Variants in LBH observed in about 807,000 individuals in gnomAD.
LBH encodes LBH regulator of Wnt signaling pathway, also known as protein LBH.
Under a neutral mutation model 12.5 loss-of-function variants are expected in LBH, and 7 were observed. That is an observed-to-expected ratio of 0.56 (90% confidence interval 0.32 to 1.05). The LOEUF (loss-of-function observed/expected upper bound fraction) is 1.05. Ranked by LOEUF, LBH falls within the 50% of genes least tolerant of loss-of-function variation. The pLI, the probability that LBH is intolerant of heterozygous loss-of-function variation, is 0.04. For synonymous variants in LBH, 51 were observed against 50.1 expected (o/e 1.02, Z -0.08); for missense variants, 119 against 138.9 (o/e 0.86, Z 0.72).
rs536252639 is a variant in LBH at position 30,249,615 on chromosome 2, G to A, written c.130-7818G>A. On this transcript the variant is annotated intron_variant, in intron 2 of 2. Coordinates refer to ENST00000395323, the MANE Select transcript of LBH (RefSeq NM_030915.4). ...ACGCCCTGGGGAAACAGAGCCACAG[G>A]GAGGGAAGTGATGAATGAAGTTGCA... Among the ~76,000 whole-genome samples, 10 of 152,300 alleles carry A rather than the reference G, an allele frequency of 6.6e-5. No individual in the cohort carries two copies. The Middle Eastern group carries it at 0.02, about 311-fold the overall frequency.
intron 2 of LBH, among the ~76,000 whole-genome samples, chr2:30,251,050 ATTT>A (rs372791263): frequency 2.4e-5 from 3 of 122,528 alleles, no homozygotes; most frequent in Non-Finnish European, 3.4e-5. Context: ...TGTCAGTAGA[ATTT>A]TTTTTTTTTT....
intron 1 of LBH, among the ~76,000 whole-genome samples, chr2:30,233,525 T>C (rs1358389909): frequency 3.3e-5 from 5 of 152,256 alleles, no homozygotes; most frequent in South Asian, 4.1e-4. Flanking sequence ...GTGGAAAGCA[T>C]TGGGTGCTGT....
At position 30,231,763 on chromosome 2, in the gene LBH, T is replaced by G. The variant is rs1384306257; in HGVS notation, c.25T>G (p.Cys9Gly). 1 of 1,571,456 alleles carries G rather than the reference T, an allele frequency of 6.4e-7. No individual in the cohort carries two copies. The highest frequency in any genetic ancestry group is 1.4e-5 in the African/African-American group (1 of 71,244). MSIYFPIHCPDYLRSAKMT... is the reference protein window; with the variant it reads MSIYFPIHGPDYLRSAKMT... ...CATGTCTATATATTTCCCCATTCAC[T>G]GGTGAGTACCCTGCGCCTGCGGCGG... is the stretch of plus-strand genomic sequence containing the variant. The change falls in exon 1 of 3, where the codon TGC (cysteine) becomes GGC (glycine). Residue 9 changes from cysteine (C) to glycine (G), a missense_variant and splice_region_variant. Physicochemically the swap from Cys to Gly is radical, Grantham distance 159 (BLOSUM62 -3). Transcript: ENST00000395323.
At chr2:30,232,041 T>G in intron 1 of LBH, 1 of 1,353,994 alleles carries the variant, frequency 7.4e-7, no homozygotes, top group Admixed American at 2.6e-5. Context: ...GAGCCAGGGG[T>G]CACGTGTGAA....
At chr2:30,256,408 A>G (rs1057406898) in intron 2 of LBH, 1 of 152,310 alleles carries the variant, frequency 6.6e-6, no homozygotes, top group African/African-American at 2.4e-5. Context: ...ACTGGGGACC[A>G]TGCCGTTCAT....
At position 30,234,458 on chromosome 2, in the gene LBH, C is replaced by A. The variant is rs145004709; in HGVS notation, c.80C>A (p.Pro27His). The A allele has an allele frequency of 4.8e-5, 77 of 1,613,998 alleles. No individual in the cohort carries two copies. The highest frequency in any genetic ancestry group is 6.7e-5 in the Admixed American group (4 of 59,998). Residue 27 changes from proline (P) to histidine (H), a missense_variant, in exon 2 of 3, where the codon CCC becomes CAC. Coordinates refer to ENST00000395323, the MANE Select transcript of LBH (RefSeq NM_030915.4). The stretch of plus-strand genomic sequence containing the variant: ...ACTGAGGTGATGATGAACACCCAGC[C>A]CATGGAGGAGATCGGCCTCAGCCCC... Reference protein sequence around the residue: ...KMTEVMMNTQPMEEIGLSPRK... With the variant: ...KMTEVMMNTQHMEEIGLSPRK...
chr2:30,240,739 G>GAGCCCCCTCA (rs1259622990), intron 2 of LBH, among the ~76,000 whole-genome samples: 1 of 152,132 alleles, frequency 6.6e-6, no homozygotes, highest in African/African-American at 2.4e-5. Context: ...GAAACTTTGG[G>GAGCCCCCTCA]AGCCCCCTCA....
chr2:30,245,577 T>C (rs1677856754), intron 2 of LBH, among the ~76,000 whole-genome samples: 1 of 152,176 alleles, frequency 6.6e-6, no homozygotes, highest in South Asian at 2.1e-4. Flanking sequence ...TAGATATTCT[T>C]TGGACACTGT....
chr2:30,239,286 G>A (rs569902013), intron 2 of LBH, among the ~76,000 whole-genome samples: 2 of 152,216 alleles, frequency 1.3e-5, no homozygotes, highest in Non-Finnish European at 2.9e-5. Flanking sequence ...GAATGCGTGT[G>A]TGGAAACAGG....
chr2:30,246,206 G>A (rs1291796203), intron 2 of LBH, among the ~76,000 whole-genome samples: 1 of 152,098 alleles, frequency 6.6e-6, no homozygotes, highest in Admixed American at 6.6e-5. Flanking sequence ...TGATCTGCCC[G>A]CCTTACCTCC....
chr2:30,240,602 A>T (rs1488785868), intron 2 of LBH, among the ~76,000 whole-genome samples: 1 of 152,210 alleles, frequency 6.6e-6, no homozygotes, highest in Non-Finnish European at 1.5e-5. Context: ...TTATCAGCAC[A>T]TCAAATCCTC....
At chr2:30,251,239 A>G (rs1477126957) in intron 2 of LBH, among the ~76,000 whole-genome samples, 10 of 151,968 alleles carry the variant, frequency 6.6e-5, no homozygotes, top group Admixed American at 5.9e-4. Flanking sequence ...CCACCTTTCA[A>G]GTGCTCCATA....
At chr2:30,248,431 C>T (rs920704190) in intron 2 of LBH, among the ~76,000 whole-genome samples, 1 of 152,056 alleles carries the variant, frequency 6.6e-6, no homozygotes, top group Non-Finnish European at 1.5e-5. Context: ...AGGAAGGGAA[C>T]CCAAACAAGA....
intron 2 of LBH, among the ~76,000 whole-genome samples, chr2:30,252,479 G>A (rs1274853959): frequency 6.6e-6 from 1 of 152,144 alleles, no homozygotes; most frequent in East Asian, 1.9e-4. Context: ...TGGCTAACAT[G>A]GTGAACCATC....
At chr2:30,232,056 C>T in intron 1 of LBH, 2 of 1,459,512 alleles carry the variant, frequency 1.4e-6, no homozygotes, top group East Asian at 2.5e-5. Context: ...TGTGAATCCC[C>T]CCCAATGAAA....
At chr2:30,246,759 T>G (rs1677876857) in intron 2 of LBH, among the ~76,000 whole-genome samples, 1 of 140,996 alleles carries the variant, frequency 7.1e-6, no homozygotes, top group Non-Finnish European at 1.5e-5. Context: ...CTTTTTTCCT[T>G]CCTTCTTTCT....
chr2:30,255,411 G>T (rs1457891847), intron 2 of LBH, among the ~76,000 whole-genome samples: 1 of 152,350 alleles, frequency 6.6e-6, no homozygotes, highest in East Asian at 1.9e-4. Flanking sequence ...CTCTGCCTCC[G>T]TGACCCACAC....
chr2:30,248,225 T>C (rs1181183116), intron 2 of LBH, among the ~76,000 whole-genome samples: 1 of 152,226 alleles, frequency 6.6e-6, no homozygotes, highest in East Asian at 1.9e-4. Context: ...TTATGGGAGC[T>C]ACTATCAAGG....
In LBH at chr2:30,257,540, G is replaced by T; in HGVS notation, c.237G>T (p.Arg79=). ...GGGAGGTGGAGAGCGGGGAGCTCCG[G>T]TGGCCCCCTGAGGAGTTCCTGGTCC... ...TEGEVESGEL[R]WPPEEFLVQE... Residue 79 remains arginine (R), a synonymous_variant, in exon 3 of 3, where the codon CGG becomes CGT. Coordinates refer to ENST00000395323, the MANE Select transcript of LBH (RefSeq NM_030915.4). The T allele has an allele frequency of 6.2e-7, 1 of 1,614,204 alleles. No individual in the cohort carries two copies.
Sources: allele counts gnomAD v4.1 joint callset (sites outside exome capture counted in the v4.1 genomes callset), GRCh38; gene constraint gnomAD v4.1.1; transcripts MANE v1.5; gene names NCBI Gene and HGNC (gene_info 2026-07-23, HGNC 2026-07-21).